The following ASIC2 variants were observed in gnomAD, a reference collection of about 807,000 sequenced individuals.
The protein encoded by ASIC2 is acid-sensing ion channel 2.
Under a neutral mutation model 57.3 loss-of-function variants are expected in ASIC2, and 25 were observed. The observed-to-expected ratio is 0.44, with a 90% CI of 0.32 to 0.61. The LOEUF is 0.61. Among genes scored for constraint, ASIC2 ranks in the 20% least tolerant of loss-of-function variants. ASIC2 has a pLI of 0.06. For synonymous variants in ASIC2, 319 were observed against 307.5 expected (o/e 1.04, Z -0.39); for missense variants, 641 against 738.1 (o/e 0.87, Z 1.52).
intron 1 of ASIC2, among the ~76,000 whole-genome samples, chr17:33,468,152 A>G (rs1430047107): frequency 2.0e-5 from 3 of 152,244 alleles, no homozygotes; most frequent in Non-Finnish European, 2.9e-5. Context: ...GGAGAGAAGC[A>G]GAGGAACTCA....
chr17:33,917,258 G>A (rs1476924716), intron 1 of ASIC2, among the ~76,000 whole-genome samples: 1 of 152,072 alleles, frequency 6.6e-6, no homozygotes, highest in Non-Finnish European at 1.5e-5. Flanking sequence ...CAGACATCAT[G>A]CTCTTCTTGG....
chr17:33,371,760 G>A (rs6505337), intron 1 of ASIC2, among the ~76,000 whole-genome samples: 1 of 151,884 alleles, frequency 6.6e-6, no homozygotes, highest in African/African-American at 2.4e-5. Context: ...AGCAGTGTGT[G>A]CTTCCTCTTT....
chr17:33,606,141 G>A (rs1343725922), intron 1 of ASIC2, among the ~76,000 whole-genome samples: 1 of 152,212 alleles, frequency 6.6e-6, no homozygotes, highest in East Asian at 1.9e-4. Flanking sequence ...GTTCCAGGCA[G>A]AAATATTTGC....
At chr17:33,344,090 T>C (rs575759134) in intron 1 of ASIC2, among the ~76,000 whole-genome samples, 2 of 152,266 alleles carry the variant, frequency 1.3e-5, no homozygotes, top group African/African-American at 4.8e-5. Flanking sequence ...GGCGTCAAAA[T>C]TGGGTTAATG....
rs540838820 is a variant in ASIC2, at chr17:33,425,889, C to T, written c.556-313822G>A. The stretch of plus-strand genomic sequence containing the variant: ...ATTTTGCTAGGGAGAGGACTTAGAT[C>T]CTGGCCTGCCCCTAGGAGACCCGGT... On this transcript the variant is annotated intron_variant, in intron 1 of 9. Transcript: ENST00000359872. Among the ~76,000 whole-genome samples, 3 of 152,084 alleles carry T rather than the reference C, an allele frequency of 2.0e-5. No homozygotes were observed. The East Asian group carries it at 5.8e-4, about 29-fold the overall frequency.
chr17:33,254,576 C>T (rs1337178923), intron 1 of ASIC2, among the ~76,000 whole-genome samples: 2 of 152,092 alleles, frequency 1.3e-5, no homozygotes, highest in Non-Finnish European at 2.9e-5. Flanking sequence ...GCCTGGTAGA[C>T]CTATTTCCCC....
intron 1 of ASIC2, among the ~76,000 whole-genome samples, chr17:33,994,246 G>T (rs1190220827): frequency 1.3e-5 from 2 of 152,176 alleles, no homozygotes; most frequent in African/African-American, 4.8e-5. Context: ...AAAGGACTAT[G>T]GGTAAGTTTC....
intron 1 of ASIC2, among the ~76,000 whole-genome samples, chr17:33,528,058 T>C (rs534902665): frequency 2.6e-5 from 4 of 152,220 alleles, no homozygotes; most frequent in African/African-American, 9.6e-5. Flanking sequence ...AATTAAGCAA[T>C]GCATCCAAGG....
intron 1 of ASIC2, among the ~76,000 whole-genome samples, chr17:33,213,406 A>C (rs1163276951): frequency 6.6e-6 from 1 of 152,226 alleles, no homozygotes; most frequent in African/African-American, 2.4e-5. Flanking sequence ...TGGGTTCAGC[A>C]GTGGGTGTGT....
intron 1 of ASIC2, among the ~76,000 whole-genome samples, chr17:33,931,827 T>C (rs916867461): frequency 1.3e-5 from 2 of 152,002 alleles, no homozygotes; most frequent in Non-Finnish European, 2.9e-5. Flanking sequence ...GGTGGTGGAG[T>C]GTATCTACTC....
intron 2 of ASIC2, 66 bp downstream of exon 2, chr17:33,111,851 G>C: frequency 1.3e-6 from 2 of 1,542,734 alleles, no homozygotes; most frequent in Non-Finnish European, 1.7e-6. Flanking sequence ...CAGCTCACCA[G>C]CCTTTCAGAG....
chr17:33,457,244 T>C (rs1286739049), intron 1 of ASIC2, among the ~76,000 whole-genome samples: 1 of 130,210 alleles, frequency 7.7e-6, no homozygotes, highest in African/African-American at 2.9e-5. Context: ...TTTTTTGTTT[T>C]TCTTTTTTTT....
At chr17:33,913,758 T>C (rs1264857548) in intron 1 of ASIC2, among the ~76,000 whole-genome samples, 1 of 152,184 alleles carries the variant, frequency 6.6e-6, no homozygotes, top group Non-Finnish European at 1.5e-5. Flanking sequence ...AAATGATAAG[T>C]GTATGTCAGA....
intron 1 of ASIC2, among the ~76,000 whole-genome samples, chr17:33,604,798 G>A (rs1420253820): frequency 1.3e-5 from 2 of 152,112 alleles, no homozygotes; most frequent in African/African-American, 2.4e-5. Flanking sequence ...TTGGTGTCAG[G>A]CTTTTCAAAG....
At chr17:33,514,250 T>C (rs1248355634) in intron 1 of ASIC2, among the ~76,000 whole-genome samples, 1 of 152,118 alleles carries the variant, frequency 6.6e-6, no homozygotes, top group Non-Finnish European at 1.5e-5. Context: ...ACTGAGGCCC[T>C]GGATTTCAAG....
chr17:33,293,393 A>T (rs1054221161), upstream of ASIC2, among the ~76,000 whole-genome samples: 2 of 151,290 alleles, frequency 1.3e-5, no homozygotes, highest in Admixed American at 6.6e-5. Flanking sequence ...ATTCCTGGCC[A>T]CTGTGGCCGC....
intron 1 of ASIC2, among the ~76,000 whole-genome samples, chr17:33,704,532 T>A (rs1256435318): frequency 6.6e-6 from 1 of 152,224 alleles, no homozygotes; most frequent in African/African-American, 2.4e-5. Context: ...TAAAATATAT[T>A]TTTTCTTTTG....
chr17:33,653,948 CATT>C (rs1159256541), intron 1 of ASIC2, among the ~76,000 whole-genome samples: 4 of 152,174 alleles, frequency 2.6e-5, no homozygotes, highest in African/African-American at 9.7e-5. Context: ...GAAAGGCAAA[CATT>C]ATATTCTTTT....
At chr17:33,121,042 G>C (rs1450959401) in intron 1 of ASIC2, among the ~76,000 whole-genome samples, 2 of 152,206 alleles carry the variant, frequency 1.3e-5, no homozygotes, top group East Asian at 3.9e-4. Context: ...CTGTTGTAAA[G>C]ATCAAAAGGG....
Sources: allele counts gnomAD v4.1 joint callset (sites outside exome capture counted in the v4.1 genomes callset), GRCh38; gene constraint gnomAD v4.1.1; transcripts MANE v1.5; gene names NCBI Gene and HGNC (gene_info 2026-07-23, HGNC 2026-07-21).